CUL4B: variants seen among roughly 807,000 people sequenced by gnomAD.
The protein encoded by CUL4B is cullin-4B.
A neutral mutation model predicts 69.2 loss-of-function variants in CUL4B; 1 was observed. That is an observed-to-expected ratio of 0.01 (90% CI 0.01 to 0.07). The LOEUF (loss-of-function observed/expected upper bound fraction) is 0.07, where lower values mean the gene tolerates loss of function less well. Among genes scored for constraint, CUL4B ranks in the 10% least tolerant of loss-of-function variants. CUL4B has a pLI of 1.00. For synonymous variants in CUL4B, 237 were observed against 223.2 expected (o/e 1.06, Z -0.55); for missense variants, 328 against 638.8 (o/e 0.51, Z 5.24).
At chrX:120,551,708 T>A (rs1924699149) in intron 2 of CUL4B, among the ~76,000 whole-genome samples, 1 of 112,530 alleles carries the variant, frequency 8.9e-6, no homozygotes, top group South Asian at 3.6e-4. Context: ...CTCTATGTGA[T>A]GCATTCTGAT....
chrX:120,536,029 T>A, intron 15 of CUL4B, 86 bp from the exon 16 acceptor site: 1 of 690,981 alleles, frequency 1.4e-6, no homozygotes. Context: ...GTGATATAGT[T>A]TCTGGAAAAT....
intron 2 of CUL4B, among the ~76,000 whole-genome samples, chrX:120,553,674 C>T (rs761655034): frequency 4.5e-5 from 5 of 111,054 alleles, no homozygotes; most frequent in East Asian, 2.8e-4. Flanking sequence ...GAGGCCAAGG[C>T]GGGATGACTG....
chrX:120,526,965 C>A (rs1181494040), intron 19 of CUL4B, 109 bp from the exon 20 acceptor site: 5 of 380,573 alleles, frequency 1.3e-5, no homozygotes, highest in Non-Finnish European at 2.3e-5. Context: ...AATTTAATCT[C>A]CTTTTTTAAA....
At chrX:120,572,622 C>A (rs28460170) in intron 2 of CUL4B, among the ~76,000 whole-genome samples, 4,780 of 110,909 alleles carry the variant, frequency 0.043, 238 homozygotes, top group African/African-American at 0.14. Flanking sequence ...AGATCTTTTT[C>A]TATACACTTA....
downstream of CUL4B, among the ~76,000 whole-genome samples, chrX:120,567,118 ATTT>A (rs72483160): frequency 3.4e-4 from 19 of 55,289 alleles, no homozygotes; most frequent in African/African-American, 1.2e-3. Flanking sequence ...GCCAATTTAG[ATTT>A]TTTTTTTTTT....
chrX:120,550,147 T>C (rs1037963441), intron 2 of CUL4B, among the ~76,000 whole-genome samples: 1 of 112,089 alleles, frequency 8.9e-6, no homozygotes, highest in Non-Finnish European at 1.9e-5. Context: ...CATACCACAC[T>C]GACTTAGTCA....
intron 19 of CUL4B, among the ~76,000 whole-genome samples, chrX:120,527,062 CTTTT>C (rs918835696): frequency 9.9e-6 from 1 of 100,844 alleles, no homozygotes; most frequent in Non-Finnish European, 2.0e-5. Context: ...GTTGAAGATT[CTTTT>C]TTTTTTTTTT....
Position 120,557,945 on chromosome X carries a change from G to A in CUL4B, c.651C>T (p.Tyr217=), listed in dbSNP as rs1054797652. ...EAIQNSTSIK[Y]NLEELYQAVE... Reference sequence around the variant, plus strand: ...ATACCTGGTAGAGTTCTTCTAAATTGTACTTAATTGAAGTACTATTCTGAA... The same window carrying A: ...ATACCTGGTAGAGTTCTTCTAAATTATACTTAATTGAAGTACTATTCTGAA... Residue 217 remains tyrosine, a synonymous_variant, in exon 2 of 20, where the codon TAC becomes TAT. Transcript: ENST00000371322. 4 of 1,186,656 alleles carry A rather than the reference G, an allele frequency of 3.4e-6. No individual in the cohort carries two copies. Among genetic ancestry groups the A allele is most frequent in the African/African-American group, 1.8e-5 (1 of 56,702 alleles).
chrX:120,561,122 G>C (rs1371391120), upstream of CUL4B: 3 of 1,032,076 alleles, frequency 2.9e-6, no homozygotes, highest in African/African-American at 5.9e-5. Flanking sequence ...CGAGGGAGGG[G>C]CGGTGTCAAC....
chrX:120,544,737 A>T, intron 5 of CUL4B, 94 bp from the exon 6 acceptor site: 1 of 676,946 alleles, frequency 1.5e-6, no homozygotes. Flanking sequence ...CATGCTAATT[A>T]GGGCTCCAGG....
upstream of CUL4B, among the ~76,000 whole-genome samples, chrX:120,566,369 A>ATATATATATG (rs1556253206): frequency 8.9e-5 from 5 of 56,463 alleles, no homozygotes; most frequent in African/African-American, 2.7e-4. Flanking sequence ...ATATATATAT[A>ATATATATATG]TATATATATA....
At chrX:120,540,250 C>T in intron 11 of CUL4B, 120 bp downstream of exon 11, 12 of 648,531 alleles carry the variant, frequency 1.9e-5, no homozygotes, top group Non-Finnish European at 2.7e-5. Flanking sequence ...GATATACCAG[C>T]TAAGCAACCT....
chrX:120,533,075 C>G (rs779474890), intron 17 of CUL4B, among the ~76,000 whole-genome samples: 1 of 112,564 alleles, frequency 8.9e-6, no homozygotes, highest in Admixed American at 9.4e-5. Flanking sequence ...ACTGTGTCCT[C>G]TTTCCAATTG....
At chrX:120,534,673 A>G in intron 16 of CUL4B, 87 bp from the exon 17 acceptor site, 1 of 630,230 alleles carries the variant, frequency 1.6e-6, no homozygotes, top group Non-Finnish European at 2.7e-6. Context: ...GCATTTTTCA[A>G]TTAGTGGATT....
intron 2 of CUL4B, among the ~76,000 whole-genome samples, chrX:120,555,333 A>G (rs1924900104): frequency 8.9e-6 from 1 of 112,482 alleles, no homozygotes; most frequent in East Asian, 2.8e-4. Flanking sequence ...AATATTATTG[A>G]AATTAAATAT....
At chrX:120,560,035 C>T (rs775321115) in intron 1 of CUL4B, 48 bp downstream of exon 1, 1 of 1,211,127 alleles carries the variant, frequency 8.3e-7, no homozygotes, top group Non-Finnish European at 1.1e-6. Context: ...CGTGACCCCT[C>T]GAGTGTCAAA....
intron 18 of CUL4B, among the ~76,000 whole-genome samples, chrX:120,530,860 A>G (rs1216679766): frequency 8.9e-6 from 1 of 112,597 alleles, no homozygotes; most frequent in Non-Finnish European, 1.9e-5. Context: ...GTTCATCTTT[A>G]GTAATTAAAC....
intron 2 of CUL4B, among the ~76,000 whole-genome samples, chrX:120,553,203 A>G (rs1924789250): frequency 8.9e-6 from 1 of 112,237 alleles, no homozygotes; most frequent in Non-Finnish European, 1.9e-5. Flanking sequence ...AGAGAAATAC[A>G]TAATACATAA....
Position 120,535,556 on chromosome X carries a change from A to G in CUL4B, c.2160+274T>C, listed in dbSNP as rs777885049. On this transcript the variant is annotated intron_variant, in intron 16 of 19. Transcript: ENST00000371322. ...CGTCTCCACTAAAAATACAAAAAAA[A>G]TTAGCTGGGTATGGTGGCGCACGCC... 2.8e-5 allele frequency among the ~76,000 whole-genome samples: 3 copies of G among 108,936 alleles called. No individual in the cohort carries two copies. In the East Asian group the frequency reaches 8.7e-4, roughly 32 times the overall value. 94.6% of individuals were successfully genotyped at this position (108,936 alleles called of 115,157 possible).
Sources: gnomAD v4.1 joint callset for allele counts (sites outside exome capture counted in the v4.1 genomes callset) on GRCh38, gnomAD v4.1.1 for gene constraint, MANE v1.5 for transcripts, NCBI Gene and HGNC (gene_info 2026-07-23, HGNC 2026-07-21) for gene names.